The following EDEM3 variants were observed in gnomAD, a reference collection of about 807,000 sequenced individuals.
EDEM3 encodes the protein ER degradation-enhancing alpha-mannosidase-like protein 3.
Under a neutral mutation model 110.2 loss-of-function variants are expected in EDEM3, and 60 were observed. The ratio of observed to expected loss-of-function variants is 0.54; its 90% CI spans 0.44 to 0.67. The LOEUF (loss-of-function observed/expected upper bound fraction) is 0.67, where lower values mean the gene tolerates loss of function less well. Among genes scored for constraint, EDEM3 ranks in the 30% least tolerant of loss-of-function variants. The pLI is 0.00. For synonymous variants in EDEM3, 352 were observed against 382.9 expected, an observed-to-expected ratio of 0.92 and a Z score of 0.94; for missense variants, 996 against 1,121.0, an observed-to-expected ratio of 0.89 and a Z score of 1.59.
intron 1 of EDEM3, among the ~76,000 whole-genome samples, chr1:184,753,942 TA>T (rs1297753061): frequency 6.6e-6 from 1 of 152,222 alleles, no homozygotes; most frequent in East Asian, 1.9e-4. Flanking sequence ...GACTTTTGAA[TA>T]ATTTCCCCCC....
chr1:184,715,298 T>TA (rs1193902905), intron 13 of EDEM3, among the ~76,000 whole-genome samples: 1 of 152,158 alleles, frequency 6.6e-6, no homozygotes, highest in Non-Finnish European at 1.5e-5. Context: ...AGAAGGATGT[T>TA]ACACTTTGAA....
rs180789571 is a variant in EDEM3, at chr1:184,740,436, C to T, written c.205-2725G>A. Among the ~76,000 whole-genome samples the T allele has an allele frequency of 2.0e-5, 3 of 152,274 alleles. No individual in the cohort carries two copies. In the East Asian group the frequency reaches 5.8e-4, roughly 29 times the overall value. On this transcript the variant is annotated intron_variant, in intron 2 of 19. Coordinates refer to ENST00000318130, the MANE Select transcript of EDEM3 (RefSeq NM_025191.4). ...ATATATTAACTGTAATTACGTAAAA[C>T]ACAAACTTTGATGCTAGCTCTTTAG... is the stretch of plus-strand genomic sequence containing the variant.
At chr1:184,754,424 T>A in intron 1 of EDEM3, 65 bp downstream of exon 1, 2 of 1,600,206 alleles carry the variant, frequency 1.2e-6, no homozygotes, top group South Asian at 2.2e-5. Context: ...CGGGTCGCAA[T>A]GACAGGCACC....
Position 184,750,173 on chromosome 1 carries a change from T to C in EDEM3, c.159-581A>G, listed in dbSNP as rs188168114. On this transcript the variant is annotated intron_variant, in intron 1 of 19. Transcript: ENST00000318130. ...TGTCATATTTTCAAAAGATACTTTT[T>C]ATGATGTGCTCTACTCTAAAAAAAC... Among the ~76,000 whole-genome samples, 35 of 152,348 alleles carry C rather than the reference T, an allele frequency of 2.3e-4. 1 individual carries two copies. The highest frequency in any genetic ancestry group is 2.2e-3 in the Admixed American group (34 of 15,304).
Position 184,691,076 on chromosome 1 carries a change from A to C in EDEM3, c.*2987T>G, listed in dbSNP as rs1232972873. On this transcript the variant is annotated 3_prime_UTR_variant, in exon 20 of 20. Coordinates refer to ENST00000318130, the MANE Select transcript of EDEM3 (RefSeq NM_025191.4). ...CAGAAAGTGTACAATTTTTCTTTTT[A>C]CTAATACTGTAAAGAAAAAGGGAGA... 6.6e-6 allele frequency: 1 copy of C among 152,518 alleles called. No individual in the cohort carries two copies. Among genetic ancestry groups the C allele is most frequent in the Non-Finnish European group, 1.5e-5 (1 of 67,970 alleles). 9.4% of individuals were successfully genotyped at this position (152,518 alleles called of 1,614,324 possible). A position where few individuals can be genotyped will look rare whatever the true frequency, so the allele number is the denominator to read the frequency against.
intron 8 of EDEM3, among the ~76,000 whole-genome samples, chr1:184,722,096 C>G (rs558989500): frequency 5.3e-5 from 8 of 151,898 alleles, no homozygotes; most frequent in Non-Finnish European, 1.2e-4. Context: ...ATGCATTAAG[C>G]CTTCTCTGTT....
At chr1:184,711,439 A>G (rs1459458779) in intron 15 of EDEM3, among the ~76,000 whole-genome samples, 2 of 152,180 alleles carry the variant, frequency 1.3e-5, no homozygotes, top group African/African-American at 4.8e-5. Flanking sequence ...AAAATGAGTT[A>G]TAGAAGTTAA....
intron 13 of EDEM3, among the ~76,000 whole-genome samples, chr1:184,715,481 C>G (rs1650492594): frequency 6.6e-6 from 1 of 152,092 alleles, no homozygotes; most frequent in South Asian, 2.1e-4. Context: ...TCTTTCTACC[C>G]CACACTTAAG....
rs9425634 is a variant in EDEM3, at chr1:184,694,447, T to C, written c.2415A>G (p.Gln805=). The C allele has an allele frequency of 0.45, 717,048 of 1,600,884 alleles. 164,073 individuals are homozygous for C. Among genetic ancestry groups the C allele is most frequent in the South Asian group, 0.55 (50,150 of 90,626 alleles). ...DRDPEMENEE[Q]PSSENDSQNQ... The stretch of plus-strand genomic sequence containing the variant: ...TCTGAGAATCATTTTCAGAGGATGG[T>C]TGTTCTTCATTTTCCATTTCAGGAT... The change falls in exon 20 of 20, where the codon CAA becomes CAG. Residue 805 remains glutamine (Q), a synonymous_variant. Coordinates refer to ENST00000318130, the MANE Select transcript of EDEM3 (RefSeq NM_025191.4).
chr1:184,724,594 C>G (rs1651093135), intron 7 of EDEM3, among the ~76,000 whole-genome samples: 1 of 152,128 alleles, frequency 6.6e-6, no homozygotes, highest in African/African-American at 2.4e-5. Flanking sequence ...ACCTATTTAG[C>G]ACTGCAGAAG....
intron 2 of EDEM3, among the ~76,000 whole-genome samples, chr1:184,747,160 C>T (rs1395613612): frequency 6.6e-6 from 1 of 150,962 alleles, no homozygotes; most frequent in Non-Finnish European, 1.5e-5. Flanking sequence ...AAATTGGTTC[C>T]TGTTCTTTAA....
At chr1:184,715,610 T>C (rs1650503371) in intron 13 of EDEM3, among the ~76,000 whole-genome samples, 2 of 152,190 alleles carry the variant, frequency 1.3e-5, no homozygotes, top group Admixed American at 1.3e-4. Context: ...TTACTAACTG[T>C]GTGACCTTAG....
At chr1:184,731,151 G>T (rs1651491504) in intron 6 of EDEM3, among the ~76,000 whole-genome samples, 1 of 152,214 alleles carries the variant, frequency 6.6e-6, no homozygotes, top group Admixed American at 6.5e-5. Context: ...GAAAAAAACT[G>T]ACAGAGCTTG....
chr1:184,717,583 G>A lies in EDEM3; in HGVS notation c.1202C>T (p.Pro401Leu), dbSNP rs752981854. ...ACTTTCTGCAAATTCTGGCCTTAAAGGATGTTGAGCCCAGTGTACTCTGAA... is the reference window on the plus strand; with the variant it reads ...ACTTTCTGCAAATTCTGGCCTTAAAAGATGTTGAGCCCAGTGTACTCTGAA... ...TDFRVHWAQHPLRPEFAESTY... is the reference protein window; with the variant it reads ...TDFRVHWAQHLLRPEFAESTY... Residue 401 changes from proline to leucine, a missense_variant, in exon 12 of 20, where the codon CCT becomes CTT. Pro to Leu is a moderately conservative substitution (Grantham distance 98). Around this residue, in one of 5 missense-constraint regions of EDEM3, gnomAD observed 310 missense variants for 394.6 expected, o/e 0.79. Transcript: ENST00000318130. 2 of 1,606,888 alleles carry A rather than the reference G, an allele frequency of 1.2e-6. No individual in the cohort carries two copies. The highest frequency in any genetic ancestry group is 1.7e-6 in the Non-Finnish European group (2 of 1,177,204).
At chr1:184,706,309 C>G (rs1435934326) in intron 18 of EDEM3, among the ~76,000 whole-genome samples, 3 of 152,158 alleles carry the variant, frequency 2.0e-5, no homozygotes, top group Non-Finnish European at 4.4e-5. Flanking sequence ...GGACGTGGCA[C>G]AGTGTAATTC....
intron 6 of EDEM3, among the ~76,000 whole-genome samples, chr1:184,731,038 T>G (rs1420455158): frequency 6.6e-6 from 1 of 152,154 alleles, no homozygotes; most frequent in Non-Finnish European, 1.5e-5. Flanking sequence ...AGCCATACAA[T>G]TTTTGAAGAT....
At chr1:184,726,075 T>A (rs1015668323) in intron 7 of EDEM3, among the ~76,000 whole-genome samples, 180 bp downstream of exon 7, 1 of 152,210 alleles carries the variant, frequency 6.6e-6, no homozygotes, top group Admixed American at 6.5e-5. Context: ...GGATTTAACA[T>A]AGCTCTCTCA....
chr1:184,698,056 G>T (rs112171916), intron 19 of EDEM3, among the ~76,000 whole-genome samples: 2 of 151,216 alleles, frequency 1.3e-5, no homozygotes, highest in African/African-American at 2.4e-5. Flanking sequence ...ATTTAAAGAA[G>T]GCAAAATGCA....
At chr1:184,704,798 C>T (rs1181105761) in intron 18 of EDEM3, among the ~76,000 whole-genome samples, 1 of 151,760 alleles carries the variant, frequency 6.6e-6, no homozygotes. Flanking sequence ...TGGCTCATGA[C>T]TGTAATCCCA....
Sources: allele counts gnomAD v4.1 joint callset (sites outside exome capture counted in the v4.1 genomes callset), GRCh38; gene constraint gnomAD v4.1.1; regional missense constraint gnomAD v4.1.1; transcripts MANE v1.5; gene names NCBI Gene and HGNC (gene_info 2026-07-23, HGNC 2026-07-21).